LARGE1: variants seen among roughly 807,000 people sequenced by gnomAD.
The protein encoded by LARGE1 is LARGE xylosyl- and glucuronyltransferase 1.
Under a neutral mutation model 87.6 loss-of-function variants are expected in LARGE1, and 43 were observed. That is an observed-to-expected ratio of 0.49 (90% confidence interval 0.38 to 0.63). The LOEUF is 0.63. Ranked by LOEUF, LARGE1 falls within the 30% of genes least tolerant of loss-of-function variation. The pLI, the probability that LARGE1 is intolerant of heterozygous loss-of-function variation, is 0.00. For missense variants in LARGE1, 802 were observed against 1,000.2 expected (o/e 0.80, Z 2.67); for synonymous variants, 434 against 394.6 (o/e 1.10, Z -1.18).
At chr22:33,202,511 T>C (rs531421226) in intron 11 of LARGE1, among the ~76,000 whole-genome samples, 12 of 152,350 alleles carry the variant, frequency 7.9e-5, no homozygotes, top group South Asian at 4.1e-4. Context: ...AATTATGTTT[T>C]ATGCCAGGCC....
intron 1 of LARGE1, among the ~76,000 whole-genome samples, chr22:33,764,029 C>T (rs1233826368): frequency 2.6e-5 from 4 of 151,624 alleles, no homozygotes; most frequent in African/African-American, 9.7e-5. Flanking sequence ...TTTGTATTTT[C>T]AGTAGAGATG....
At chr22:33,633,516 G>T (rs1223969380) in intron 3 of LARGE1, among the ~76,000 whole-genome samples, 1 of 152,168 alleles carries the variant, frequency 6.6e-6, no homozygotes, top group African/African-American at 2.4e-5. Context: ...TGTCCCAAAA[G>T]AAATTCACAC....
At chr22:33,801,072 C>G (rs2086146208) in intron 1 of LARGE1, among the ~76,000 whole-genome samples, 1 of 152,136 alleles carries the variant, frequency 6.6e-6, no homozygotes, top group African/African-American at 2.4e-5. Flanking sequence ...GTAAGTCTCA[C>G]AAGATCTGAA....
chr22:33,113,659 A>G, the LARGE1 span, among the ~76,000 whole-genome samples: 1 of 152,314 alleles, frequency 6.6e-6, no homozygotes, highest in African/African-American at 2.4e-5. Context: ...TAATCTCCCT[A>G]TGCCTCAGTT....
chr22:33,633,813 C>G (rs979967783), intron 3 of LARGE1, among the ~76,000 whole-genome samples: 11 of 152,216 alleles, frequency 7.2e-5, no homozygotes, highest in Admixed American at 5.9e-4. Flanking sequence ...TCCCAGAGGA[C>G]AGATGCTCTG....
chr22:33,530,932 G>A (rs113182957), intron 6 of LARGE1, among the ~76,000 whole-genome samples: 38 of 152,268 alleles, frequency 2.5e-4, no homozygotes, highest in African/African-American at 9.1e-4. Context: ...CAGAGACTCA[G>A]GAATTGCAGA....
chr22:33,121,776 G>T, the LARGE1 span, among the ~76,000 whole-genome samples: 68,750 of 152,014 alleles, frequency 0.45, 16,260 homozygotes, highest in South Asian at 0.68. Flanking sequence ...GAGGTTTAAT[G>T]AACTCACGGT....
intron 6 of LARGE1, among the ~76,000 whole-genome samples, chr22:33,543,383 C>T (rs768497412): frequency 2.0e-5 from 3 of 152,092 alleles, no homozygotes; most frequent in Non-Finnish European, 2.9e-5. Context: ...CTGCAGATAC[C>T]ACCTTTTCCA....
At chr22:33,196,712 G>C (rs952739133) in intron 11 of LARGE1, among the ~76,000 whole-genome samples, 6 of 151,588 alleles carry the variant, frequency 4.0e-5, no homozygotes, top group Non-Finnish European at 5.9e-5. Context: ...AAAAGGATGA[G>C]GAAGAGAGAG....
chr22:33,192,801 G>A (rs528120676), intron 11 of LARGE1, among the ~76,000 whole-genome samples: 1 of 152,210 alleles, frequency 6.6e-6, no homozygotes, highest in Non-Finnish European at 1.5e-5. Context: ...ACGGTTTCAG[G>A]TCTTACATTT....
At chr22:33,636,697 T>A (rs1428656678) in intron 3 of LARGE1, among the ~76,000 whole-genome samples, 1 of 151,654 alleles carries the variant, frequency 6.6e-6, no homozygotes, top group Non-Finnish European at 1.5e-5. Context: ...CCAGCTAAGT[T>A]TTGTATTTTT....
At chr22:33,318,688 G>A (rs1936420137) in intron 10 of LARGE1, among the ~76,000 whole-genome samples, 1 of 151,956 alleles carries the variant, frequency 6.6e-6, no homozygotes, top group African/African-American at 2.4e-5. Context: ...CATGGCACAT[G>A]TATACATATG....
chr22:33,299,689 A>G (rs1317261846), intron 12 of LARGE1, among the ~76,000 whole-genome samples: 2 of 152,212 alleles, frequency 1.3e-5, no homozygotes, highest in African/African-American at 4.8e-5. Context: ...ATTAGCTCCT[A>G]TATTAACTGA....
At chr22:33,652,620 AC>A (rs1016598143) in intron 2 of LARGE1, among the ~76,000 whole-genome samples, 10 of 152,310 alleles carry the variant, frequency 6.6e-5, no homozygotes, top group South Asian at 2.1e-4. Flanking sequence ...TGTCAAAAAA[AC>A]ATTCCTCTTT....
downstream of LARGE1, among the ~76,000 whole-genome samples, chr22:33,271,312 T>C (rs1219583175): frequency 6.6e-6 from 1 of 152,214 alleles, no homozygotes; most frequent in Non-Finnish European, 1.5e-5. Flanking sequence ...TGATTTAAAT[T>C]CTAGGTCTGC....
At chr22:33,543,672 A>G (rs900845334) in intron 6 of LARGE1, among the ~76,000 whole-genome samples, 1 of 152,228 alleles carries the variant, frequency 6.6e-6, no homozygotes, top group African/African-American at 2.4e-5. Context: ...CAGTTTTTAA[A>G]AAGAGAAATT....
chr22:33,752,667 C>A (rs2084364787), intron 2 of LARGE1, among the ~76,000 whole-genome samples: 1 of 152,112 alleles, frequency 6.6e-6, no homozygotes, highest in Admixed American at 6.5e-5. Flanking sequence ...GATGAGATGT[C>A]CATATGAAAA....
intron 11 of LARGE1, among the ~76,000 whole-genome samples, chr22:33,194,135 A>G (rs1923943857): frequency 6.6e-6 from 1 of 151,874 alleles, no homozygotes; most frequent in Non-Finnish European, 1.5e-5. Flanking sequence ...AAAGACTAAA[A>G]GAGAATTGGC....
the LARGE1 span, among the ~76,000 whole-genome samples, chr22:33,116,961 G>A: frequency 6.6e-6 from 1 of 152,346 alleles, no homozygotes; most frequent in Admixed American, 6.5e-5. Flanking sequence ...ATCTTTGTAT[G>A]CTGCTAGTTT....
Sources: gnomAD v4.1 joint callset for allele counts (sites outside exome capture counted in the v4.1 genomes callset) on GRCh38, gnomAD v4.1.1 for gene constraint, MANE v1.5 for transcripts, NCBI Gene and HGNC (gene_info 2026-07-23, HGNC 2026-07-21) for gene names.